The following NEK10 variants were observed in gnomAD, a reference collection of about 807,000 sequenced individuals.
NEK10 encodes the protein serine/threonine-protein kinase Nek10.
NEK10 carries 122 observed loss-of-function variants against 159.8 expected under a neutral mutation model. The observed-to-expected ratio is 0.76, with a 90% CI of 0.66 to 0.89. The LOEUF (loss-of-function observed/expected upper bound fraction) is 0.89, where lower values mean the gene tolerates loss of function less well. Among genes scored for constraint, NEK10 ranks in the 40% least tolerant of loss-of-function variants. The pLI is 0.00. For missense variants in NEK10, 1,342 were observed against 1,323.1 expected, an observed-to-expected ratio of 1.01 and a Z score of -0.22; for synonymous variants, 466 against 457.1, an observed-to-expected ratio of 1.02 and a Z score of -0.25.
intron 26 of NEK10, 123 bp from the exon 27 acceptor site, chr3:27,174,956 C>T (rs914182679): frequency 2.2e-5 from 17 of 765,916 alleles, no homozygotes; most frequent in Middle Eastern, 5.9e-4. Context: ...ATGCAGAAGA[C>T]GCATCAGTAG....
chr3:27,176,444 T>C (rs1037687262), intron 26 of NEK10, among the ~76,000 whole-genome samples: 1 of 152,176 alleles, frequency 6.6e-6, no homozygotes, highest in Non-Finnish European at 1.5e-5. Context: ...AGATATATGC[T>C]ACTCAGAAAT....
chr3:27,226,564 G>A (rs963386813), intron 23 of NEK10, among the ~76,000 whole-genome samples: 1 of 152,086 alleles, frequency 6.6e-6, no homozygotes, highest in Non-Finnish European at 1.5e-5. Flanking sequence ...TTTTAACTCT[G>A]GGTCACCTCT....
At chr3:27,207,604 T>G (rs1950634613) in intron 23 of NEK10, among the ~76,000 whole-genome samples, 1 of 152,136 alleles carries the variant, frequency 6.6e-6, no homozygotes, top group Non-Finnish European at 1.5e-5. Context: ...TTGAAGTTAT[T>G]TATCCAATAA....
Position 27,183,487 on chromosome 3 carries a change from A to T in NEK10, c.2505+8542T>A, listed in dbSNP as rs180779685. ...ATAGGTCTAAAACATTTACAAAAAT[A>T]TAAAGAATCTTATTTTTGCAACCTT... On this transcript the variant is annotated intron_variant, in intron 26 of 35. Coordinates refer to ENST00000691995, the MANE Select transcript of NEK10 (RefSeq NM_001394966.1). Among the ~76,000 whole-genome samples the T allele has an allele frequency of 1.3e-4, 20 of 152,012 alleles. No individual in the cohort carries two copies. In the East Asian group the frequency reaches 3.9e-3, roughly 29 times the overall value.
intron 30 of NEK10, among the ~76,000 whole-genome samples, chr3:27,148,509 T>G (rs1418845420): frequency 1.3e-5 from 2 of 152,090 alleles, no homozygotes; most frequent in South Asian, 2.1e-4. Flanking sequence ...GATATCCAGG[T>G]TTCTTCTTCT....
intron 33 of NEK10, 115 bp from the exon 34 acceptor site, chr3:27,116,242 A>C: frequency 1.2e-6 from 1 of 861,534 alleles, no homozygotes; most frequent in East Asian, 2.6e-5. Flanking sequence ...CTTAATGATA[A>C]AGATGGAACA....
At chr3:27,264,121 T>A (rs1373660472) in intron 22 of NEK10, among the ~76,000 whole-genome samples, 1 of 152,188 alleles carries the variant, frequency 6.6e-6, no homozygotes. Flanking sequence ...GATATTAATC[T>A]GGGGTTGCTT....
chr3:27,275,060 A>G (rs1398524431), intron 22 of NEK10, among the ~76,000 whole-genome samples: 1 of 152,106 alleles, frequency 6.6e-6, no homozygotes, highest in Non-Finnish European at 1.5e-5. Flanking sequence ...AACCTCAATT[A>G]TGAGGTTACT....
chr3:27,303,930 C>T (rs1437847740), intron 12 of NEK10, among the ~76,000 whole-genome samples: 1 of 152,194 alleles, frequency 6.6e-6, no homozygotes, highest in Non-Finnish European at 1.5e-5. Context: ...AACTTTGGTT[C>T]AGCACCCATA....
At chr3:27,192,366 G>A in intron 25 of NEK10, 124 bp from the exon 26 acceptor site, 2 of 676,160 alleles carry the variant, frequency 3.0e-6, no homozygotes, top group Non-Finnish European at 5.1e-6. Flanking sequence ...GATAACCTGG[G>A]ATAAGATGGA....
At chr3:27,265,505 G>A (rs6793238) in intron 22 of NEK10, 1 of 152,060 alleles carries the variant, frequency 6.6e-6, no homozygotes, top group East Asian at 1.9e-4. Context: ...GTATAGTTTT[G>A]ATTTGCATTT....
chr3:27,313,895 A>G (rs1054240423), intron 7 of NEK10, among the ~76,000 whole-genome samples: 7 of 152,102 alleles, frequency 4.6e-5, no homozygotes, highest in Non-Finnish European at 1.0e-4. Flanking sequence ...TATTTTTAGT[A>G]GAGACGGGGT....
At chr3:27,320,963 A>G (rs1036604279) in intron 6 of NEK10, among the ~76,000 whole-genome samples, 4 of 152,228 alleles carry the variant, frequency 2.6e-5, no homozygotes, top group African/African-American at 9.6e-5. Context: ...CAAACAACAA[A>G]GAAAAAATAA....
intron 22 of NEK10, among the ~76,000 whole-genome samples, chr3:27,267,512 A>G (rs1288191817): frequency 6.6e-6 from 1 of 152,138 alleles, no homozygotes; most frequent in Non-Finnish European, 1.5e-5. Flanking sequence ...AATTCTCATA[A>G]TATTTCAAAC....
chr3:27,353,387 T>C (rs1158643684), intron 1 of NEK10, among the ~76,000 whole-genome samples: 3 of 152,160 alleles, frequency 2.0e-5, no homozygotes, highest in East Asian at 1.9e-4. Context: ...TGAAAAAGTA[T>C]GCATTATTGT....
chr3:27,351,336 AC>A (rs146972774), intron 3 of NEK10, among the ~76,000 whole-genome samples: 1,612 of 152,216 alleles, frequency 0.011, 23 homozygotes, highest in African/African-American at 0.037. Flanking sequence ...GAAAGAACGG[AC>A]TTAATTTTGC....
rs1559411035 is a variant in NEK10, at chr3:27,276,613, A to AT, written c.2014+7988dup. Among the ~76,000 whole-genome samples the AT allele has an allele frequency of 3.9e-5, 6 of 152,316 alleles. No homozygotes were observed. The South Asian group carries it at 1.2e-3, about 32-fold the overall frequency. ...TTAACCAGAAGAAGAGCATAATTAG[A>AT]TTTTAACTAAGCATGTCCAAAACCT... On this transcript the variant is annotated intron_variant, in intron 22 of 35. Transcript: ENST00000691995.
Position 27,174,513 on chromosome 3 carries a change from T to G in NEK10, c.2702A>C (p.Glu901Ala), listed in dbSNP as rs1175621101. 1.9e-6 allele frequency: 3 copies of G among 1,612,012 alleles called. No individual in the cohort carries two copies. The East Asian group carries it at 6.7e-5, about 36-fold the overall frequency. Reference protein sequence around the residue: ...LENAEKDTYSEVDDELDISDN... With the variant: ...LENAEKDTYSAVDDELDISDN... ...CGAAATGTCCAATTCATCATCTACCTCTGAATATGTATCTGCACATTAATA... is the reference window on the plus strand; with the variant it reads ...CGAAATGTCCAATTCATCATCTACCGCTGAATATGTATCTGCACATTAATA... Residue 901 changes from glutamate (E) to alanine (A), a missense_variant, in exon 28 of 36, where the codon GAG becomes GCG. Transcript: ENST00000691995.
At chr3:27,131,167 A>C (rs536831535) in intron 32 of NEK10, among the ~76,000 whole-genome samples, 1 of 152,132 alleles carries the variant, frequency 6.6e-6, no homozygotes, top group East Asian at 1.9e-4. Context: ...GAAACTTTTT[A>C]AAAAATATGA....
Sources: gnomAD v4.1 joint callset for allele counts (sites outside exome capture counted in the v4.1 genomes callset) on GRCh38, gnomAD v4.1.1 for gene constraint, MANE v1.5 for transcripts, NCBI Gene and HGNC (gene_info 2026-07-23, HGNC 2026-07-21) for gene names.